The following HECTD4 variants were observed in gnomAD, a reference collection of about 807,000 sequenced individuals.
The protein encoded by HECTD4 is probable E3 ubiquitin-protein ligase HECTD4.
Under a neutral mutation model 471.5 loss-of-function variants are expected in HECTD4, and 114 were observed. That is an observed-to-expected ratio of 0.24 (90% CI 0.21 to 0.28). The LOEUF is 0.28. HECTD4 is among the 10% of genes least tolerant of loss of function. HECTD4 has a pLI of 1.00. For missense variants in HECTD4, 3,866 were observed against 5,651.5 expected, an observed-to-expected ratio of 0.68 and a Z score of 10.13; for synonymous variants, 2,012 against 2,256.0, an observed-to-expected ratio of 0.89 and a Z score of 3.07.
At chr12:112,377,118 A>G (rs2036796049) in intron 1 of HECTD4, among the ~76,000 whole-genome samples, 1 of 152,066 alleles carries the variant, frequency 6.6e-6, no homozygotes, top group South Asian at 2.1e-4. Context: ...TGTCTCGAAC[A>G]TAAATAATTA....
At chr12:112,233,903 A>C (rs1036784084) in intron 37 of HECTD4, among the ~76,000 whole-genome samples, 2 of 152,102 alleles carry the variant, frequency 1.3e-5, no homozygotes, top group African/African-American at 4.8e-5. Context: ...GACACTTGAG[A>C]CTTTATTTAC....
At chr12:112,327,669 A>G (rs903959746) in intron 1 of HECTD4, among the ~76,000 whole-genome samples, 1 of 152,242 alleles carries the variant, frequency 6.6e-6, no homozygotes, top group Non-Finnish European at 1.5e-5. Flanking sequence ...AGTCATAACT[A>G]GCACTGATAA....
chr12:112,313,370 A>G (rs2035409374), intron 3 of HECTD4, among the ~76,000 whole-genome samples: 1 of 151,304 alleles, frequency 6.6e-6, no homozygotes, highest in Non-Finnish European at 1.5e-5. Context: ...GCTGGAGTGC[A>G]GTGGTGCGAT....
Position 112,258,614 on chromosome 12 carries a change from C to A in HECTD4, c.3028-18G>T, listed in dbSNP as rs1341576297. On this transcript the variant is annotated intron_variant, in intron 19 of 75. Transcript: ENST00000682272. ...AACGCCGTCTGAAACACAAAACCAT[C>A]ATTATGTCTTCCAGGGCTACTGTCA... 11 of 1,581,304 alleles carry A rather than the reference C, an allele frequency of 7.0e-6. No homozygotes were observed. Among genetic ancestry groups the A allele is most frequent in the Non-Finnish European group, 8.6e-6 (10 of 1,166,444 alleles).
rs1441751400 is a variant in HECTD4 at position 112,231,535 on chromosome 12, C to G, written c.6178G>C (p.Glu2060Gln). The part of the protein sequence containing the change: ...KKTAQTSICR[E>Q]RNSELARTDP... Reference sequence around the variant, plus strand: ...TACCTTGCAAGCTCCGAGTTCCTCTCTCGGCAAATGGAAGTTTGGGCAGTT... The same window carrying G: ...TACCTTGCAAGCTCCGAGTTCCTCTGTCGGCAAATGGAAGTTTGGGCAGTT... Residue 2060 changes from glutamate (E) to glutamine (Q), a missense_variant, in exon 39 of 76, where the codon GAG becomes CAG. Physicochemically the swap from Glu to Gln is conservative, Grantham distance 29 (BLOSUM62 2). Coordinates refer to ENST00000682272, the MANE Select transcript of HECTD4 (RefSeq NM_001388303.1). 3.1e-6 allele frequency: 5 copies of G among 1,613,940 alleles called. No individual in the cohort carries two copies. The highest frequency in any genetic ancestry group is 4.2e-6 in the Non-Finnish European group (5 of 1,179,910).
At chr12:112,343,666 A>G (rs1192298696) in intron 1 of HECTD4, among the ~76,000 whole-genome samples, 1 of 152,086 alleles carries the variant, frequency 6.6e-6, no homozygotes, top group Non-Finnish European at 1.5e-5. Flanking sequence ...AGCTACATGA[A>G]AGGCTGAAGT....
Position 112,247,481 on chromosome 12 carries a change from T to A in HECTD4, c.4318A>T (p.Asn1440Tyr). 1 of 1,538,486 alleles carries A rather than the reference T, an allele frequency of 6.5e-7. No individual in the cohort carries two copies. Among genetic ancestry groups the A allele is most frequent in the South Asian group, 1.2e-5 (1 of 80,738 alleles). Residue 1440 changes from asparagine to tyrosine, a missense_variant, in exon 28 of 76, where the codon AAC (asparagine) becomes TAC (tyrosine). Physicochemically the swap from Asn to Tyr is moderately radical, Grantham distance 143. Coordinates refer to ENST00000682272, the MANE Select transcript of HECTD4 (RefSeq NM_001388303.1). ...ACTAACCTCAGTGATAGGACCATGT[T>A]TTCAAGATCATTCCCATCAAAGGAG... Reference protein sequence around the residue: ...EVSFDGNDLENMVLSLREKFL... With the variant: ...EVSFDGNDLEYMVLSLREKFL...
chr12:112,236,908 C>G, intron 35 of HECTD4, 37 bp downstream of exon 35: 1 of 1,494,538 alleles, frequency 6.7e-7, no homozygotes, highest in African/African-American at 1.4e-5. Context: ...AGAGGAAAGC[C>G]AGCTTCTCCC....
intron 18 of HECTD4, 96 bp downstream of exon 18, chr12:112,261,209 A>C: frequency 7.6e-7 from 1 of 1,311,056 alleles, no homozygotes; most frequent in Non-Finnish European, 1.0e-6. Context: ...TCTCTATATA[A>C]AATTGATCCT....
intron 43 of HECTD4, among the ~76,000 whole-genome samples, chr12:112,227,017 A>T: frequency 6.6e-6 from 1 of 152,230 alleles, no homozygotes; most frequent in East Asian, 1.9e-4. Flanking sequence ...CTAAATGGAG[A>T]TACAAAGTGC....
In HECTD4 at chr12:112,164,812, G is replaced by T. The variant is rs1203026584; in HGVS notation, c.12535-537C>A. Among the ~76,000 whole-genome samples, 4 of 151,368 alleles carry T rather than the reference G, an allele frequency of 2.6e-5. No individual in the cohort carries two copies. In the East Asian group the frequency reaches 7.8e-4, roughly 29 times the overall value. The stretch of plus-strand genomic sequence containing the variant: ...AATTTTTGTATTTTTAGTAGAGACT[G>T]GGTTTCACTATGTTGGCCAGGCTGG... On this transcript the variant is annotated intron_variant, in intron 72 of 75. Transcript: ENST00000682272.
intron 7 of HECTD4, among the ~76,000 whole-genome samples, chr12:112,300,719 T>A (rs931314348): frequency 6.6e-5 from 10 of 152,212 alleles, no homozygotes; most frequent in African/African-American, 2.4e-4. Flanking sequence ...TGCCTCAGCC[T>A]CCCGAGTAGC....
At chr12:112,294,271 AT>A (rs1048527381) in intron 7 of HECTD4, among the ~76,000 whole-genome samples, 4 of 152,318 alleles carry the variant, frequency 2.6e-5, no homozygotes, top group African/African-American at 9.6e-5. Context: ...AGTAATTATT[AT>A]TGGCCACATC....
rs369349874 is a variant in HECTD4 at position 112,256,422 on chromosome 12, G to A, written c.3225C>T (p.Val1075=). 1.9e-6 allele frequency: 3 copies of A among 1,613,072 alleles called. No individual in the cohort carries two copies. In the African/African-American group the frequency reaches 4.0e-5, roughly 22 times the overall value. Residue 1075 remains valine (V), a synonymous_variant, in exon 21 of 76, where the codon GTC becomes GTT. Coordinates refer to ENST00000682272, the MANE Select transcript of HECTD4 (RefSeq NM_001388303.1). ...TTTCTTTAAATTTATAGTTGTCTCT[G>A]ACGGGGTGGACTGTTTCCACAGTCT... ...AGKTVETVHP[V]RDNYKFKETV...
intron 2 of HECTD4, among the ~76,000 whole-genome samples, chr12:112,316,233 C>T (rs561950800): frequency 5.1e-4 from 77 of 152,232 alleles, no homozygotes; most frequent in Admixed American, 4.5e-3. Flanking sequence ...ACTCCATTTA[C>T]GTGGAACTCT....
intron 1 of HECTD4, among the ~76,000 whole-genome samples, chr12:112,374,528 C>T (rs1196893275): frequency 6.6e-6 from 1 of 152,160 alleles, no homozygotes; most frequent in Non-Finnish European, 1.5e-5. Flanking sequence ...GGCCTTTTGC[C>T]CAAGCTCACA....
chr12:112,231,260 G>A, intron 39 of HECTD4: 1 of 540,632 alleles, frequency 1.8e-6, no homozygotes, highest in Middle Eastern at 5.1e-4. Flanking sequence ...CTACTCAAAA[G>A]AATCCTCTGG....
intron 19 of HECTD4, 98 bp from the exon 20 acceptor site, chr12:112,258,694 T>C (rs543216450): frequency 1.1e-6 from 1 of 936,558 alleles, no homozygotes; most frequent in Admixed American, 2.7e-5. Context: ...ATCATCTTTT[T>C]ACAATCCTAG....
Position 112,377,599 on chromosome 12 carries a change from G to A in HECTD4, c.177+4353C>T, listed in dbSNP as rs184451334. Among the ~76,000 whole-genome samples, 386 of 152,270 alleles carry A rather than the reference G, an allele frequency of 2.5e-3. 1 individual carries two copies. The highest frequency in any genetic ancestry group is 4.4e-3 in the Non-Finnish European group (299 of 68,028). On this transcript the variant is annotated intron_variant, in intron 1 of 75. Coordinates refer to ENST00000682272, the MANE Select transcript of HECTD4 (RefSeq NM_001388303.1). ...AATTTACTGGGAAGAGGCCGGGTGC[G>A]GTGGCTCACGCCTGTAATCTCGGCA... is the stretch of plus-strand genomic sequence containing the variant.
Sources: allele counts gnomAD v4.1 joint callset (sites outside exome capture counted in the v4.1 genomes callset), GRCh38; gene constraint gnomAD v4.1.1; transcripts MANE v1.5; gene names NCBI Gene and HGNC (gene_info 2026-07-23, HGNC 2026-07-21).